The following NBPF9 variants were observed in gnomAD, a reference collection of about 807,000 sequenced individuals.
The protein encoded by NBPF9 is NBPF member 9.
Under a neutral mutation model 97.8 loss-of-function variants are expected in NBPF9, and 91 were observed. The ratio of observed to expected loss-of-function variants is 0.93; its 90% CI spans 0.79 to 1.11. The LOEUF is 1.11. Ranked by LOEUF, NBPF9 falls within the 50% of genes least tolerant of loss-of-function variation. The pLI, the probability that NBPF9 is intolerant of heterozygous loss-of-function variation, is 0.00. For synonymous variants in NBPF9, 334 were observed against 359.5 expected (o/e 0.93, Z 0.80); for missense variants, 992 against 939.5 (o/e 1.06, Z -0.73).
intron 29 of NBPF9, 97 bp downstream of exon 29, chr1:149,056,415 C>T (rs1553648996): frequency 6.4e-6 from 1 of 155,904 alleles, no homozygotes; most frequent in South Asian, 5.5e-5. Context: ...ATTCAGCCTT[C>T]GTTGAAAACA....
chr1:149,087,318 A>T (rs1467386907), intron 5 of NBPF9, among the ~76,000 whole-genome samples: 21 of 146,504 alleles, frequency 1.4e-4, no homozygotes, highest in East Asian at 7.2e-4. Flanking sequence ...CAAAACGGTG[A>T]ATATATATAT....
At chr1:149,056,072 T>A (rs1288809629) in intron 29 of NBPF9, among the ~76,000 whole-genome samples, 173 bp from the exon 30 acceptor site, 37 of 150,722 alleles carry the variant, frequency 2.5e-4, no homozygotes, top group African/African-American at 9.1e-4. Context: ...CAGGGCCAGG[T>A]AGAAAACAAT....
At chr1:149,092,474 G>A (rs1300809946) in intron 4 of NBPF9, among the ~76,000 whole-genome samples, 2 of 125,782 alleles carry the variant, frequency 1.6e-5, no homozygotes, top group African/African-American at 5.6e-5. Flanking sequence ...AGTGAACCTG[G>A]AAAAATAGCT....
rs2081945232 is a variant in NBPF9 at position 149,098,631 on chromosome 1, T to C, written c.-530A>G. The C allele has an allele frequency of 3.6e-6, 4 of 1,123,188 alleles. No homozygotes were observed. In the East Asian group the frequency reaches 1.8e-4, roughly 51 times the overall value. 69.6% of individuals were successfully genotyped at this position (1,123,188 alleles called of 1,614,324 possible). On this transcript the variant is annotated 5_prime_UTR_variant, in exon 4 of 30. Transcript: ENST00000584027. ...CTCCAGGACACCCTCAGGAGGACGG[T>C]AAGGGACGGTAAGGTGAGAGCCTGG...
intron 12 of NBPF9, among the ~76,000 whole-genome samples, chr1:149,074,743 C>T (rs2079703350): frequency 6.6e-6 from 1 of 151,210 alleles, no homozygotes; most frequent in South Asian, 2.1e-4. Context: ...ACTCTGTGCC[C>T]CAGGAAGCAG....
chr1:149,097,659 C>T (rs2081875171), intron 4 of NBPF9, among the ~76,000 whole-genome samples: 1 of 152,108 alleles, frequency 6.6e-6, no homozygotes, highest in African/African-American at 2.4e-5. Context: ...GGCCATGCCC[C>T]TTTCTTTCTC....
intron 4 of NBPF9, among the ~76,000 whole-genome samples, chr1:149,096,848 T>C (rs1462089576): frequency 2.3e-5 from 2 of 85,318 alleles, no homozygotes; most frequent in Non-Finnish European, 4.5e-5. Context: ...CACCCACAAA[T>C]CAGAGGAGGA....
At chr1:149,084,290 T>TATATACATGTATA (rs1553657801) in intron 5 of NBPF9, among the ~76,000 whole-genome samples, 9 of 147,224 alleles carry the variant, frequency 6.1e-5, no homozygotes, top group South Asian at 4.2e-4. Flanking sequence ...TATATACACA[T>TATATACATGTATA]ATATACATGT....
intron 4 of NBPF9, among the ~76,000 whole-genome samples, chr1:149,094,249 CACCAG>C (rs1342514745): frequency 1.1e-4 from 15 of 135,624 alleles, no homozygotes; most frequent in African/African-American, 4.2e-4. Context: ...TTCTTGTGCT[CACCAG>C]ACAAGGTTTG....
chr1:149,079,120 A>C, exon 9 of NBPF9: 26 of 1,261,066 alleles, frequency 2.1e-5, no homozygotes, highest in Non-Finnish European at 3.0e-5. Context: ...GAGGGCCTGG[A>C]GATGCTCATT....
chr1:149,086,914 T>A, intron 5 of NBPF9, among the ~76,000 whole-genome samples: 1 of 151,314 alleles, frequency 6.6e-6, no homozygotes, highest in African/African-American at 2.4e-5. Context: ...ATGGAATGAC[T>A]GTCTATCTGA....
rs1385280349 is a variant in NBPF9, at chr1:149,073,081, G to C, written c.1092-149C>G. On this transcript the variant is annotated intron_variant, in intron 13 of 29. Transcript: ENST00000584027. ...TTTAAAGGAATGTCTGTGGCCAAGAGAAAGAATAGAAAATGGTTTACAGGC... is the reference window on the plus strand; with the variant it reads ...TTTAAAGGAATGTCTGTGGCCAAGACAAAGAATAGAAAATGGTTTACAGGC... 70 of 647,230 alleles carry C rather than the reference G, an allele frequency of 1.1e-4. 3 individuals are homozygous for C. Among genetic ancestry groups the C allele is most frequent in the Admixed American group, 1.6e-4 (6 of 36,924 alleles). 40.1% of individuals were successfully genotyped at this position (647,230 alleles called of 1,614,324 possible).
intron 21 of NBPF9, 119 bp from the exon 22 acceptor site, chr1:149,062,384 A>G (rs1239685359): frequency 1.5e-6 from 1 of 664,942 alleles, no homozygotes; most frequent in Non-Finnish European, 2.8e-6. Context: ...AGATCCATTA[A>G]TGAGGTAATG....
Position 149,081,897 on chromosome 1 carries a change from T to C in NBPF9, c.175+68A>G, listed in dbSNP as rs1338578481. On this transcript the variant is annotated intron_variant, in intron 7 of 29. Coordinates refer to ENST00000584027, the Ensembl canonical transcript of NBPF9. ...GAAATTATTTTTGATGGAGAGAGCATTTAGTGTCTCAGAGAGAAGACAGGA... is the reference window on the plus strand; with the variant it reads ...GAAATTATTTTTGATGGAGAGAGCACTTAGTGTCTCAGAGAGAAGACAGGA... 4.1e-5 allele frequency: 43 copies of C among 1,057,538 alleles called. No individual in the cohort carries two copies. The Admixed American group carries it at 5.4e-4, about 13-fold the overall frequency. 65.5% of individuals were successfully genotyped at this position (1,057,538 alleles called of 1,614,324 possible).
In NBPF9 at chr1:149,059,451, C is replaced by A; in HGVS notation, c.2585+249G>T. ...TCAATAGTTTTCCATAAAATATGCT[C>A]AAAATTCGATGCAGTGGCCATGAAA... On this transcript the variant is annotated intron_variant, in intron 25 of 29. Transcript: ENST00000584027. 2 of 396,736 alleles carry A rather than the reference C, an allele frequency of 5.0e-6. 1 individual carries two copies. 24.6% of individuals were successfully genotyped at this position (396,736 alleles called of 1,614,324 possible). A position where few individuals can be genotyped will look rare whatever the true frequency, so the allele number is the denominator to read the frequency against.
intron 13 of NBPF9, 42 bp downstream of exon 13, chr1:149,073,726 T>C (rs1553653546): frequency 6.7e-7 from 1 of 1,482,724 alleles, no homozygotes; most frequent in East Asian, 2.3e-5. Flanking sequence ...TTCAGAGATT[T>C]ACACACCTGC....
chr1:149,101,923 CTTT>C (rs1229722249), intron 2 of NBPF9, among the ~76,000 whole-genome samples: 48 of 80,432 alleles, frequency 6.0e-4, no homozygotes, highest in Middle Eastern at 7.0e-3. Flanking sequence ...ATTACCTGTA[CTTT>C]TTTTTTTTTT....
At chr1:149,076,403 G>C (rs1445985104) in intron 11 of NBPF9, among the ~76,000 whole-genome samples, 1 of 151,144 alleles carries the variant, frequency 6.6e-6, no homozygotes, top group African/African-American at 2.4e-5. Flanking sequence ...CGCCATCTTG[G>C]ACAGGCTGGT....
chr1:149,072,371 C>T (rs2079483899), intron 14 of NBPF9, among the ~76,000 whole-genome samples: 1 of 152,128 alleles, frequency 6.6e-6, no homozygotes, highest in African/African-American at 2.4e-5. Flanking sequence ...AAGAACATTG[C>T]CGAAAAGACA....
Sources: gnomAD v4.1 joint callset for allele counts (sites outside exome capture counted in the v4.1 genomes callset) on GRCh38, gnomAD v4.1.1 for gene constraint, MANE v1.5 for transcripts, NCBI Gene and HGNC (gene_info 2026-07-23, HGNC 2026-07-21) for gene names.